RRP1: variants seen among roughly 807,000 people sequenced by gnomAD.
The protein encoded by RRP1 is ribosomal RNA processing 1.
A neutral mutation model predicts 54.6 loss-of-function variants in RRP1; 37 were observed. That is an observed-to-expected ratio of 0.68 (90% CI 0.52 to 0.89). The LOEUF (loss-of-function observed/expected upper bound fraction) is 0.89. Among genes scored for constraint, RRP1 ranks in the 40% least tolerant of loss-of-function variants. The pLI is 0.00. For synonymous variants in RRP1, 262 were observed against 244.3 expected (o/e 1.07, Z -0.67); for missense variants, 639 against 612.5 (o/e 1.04, Z -0.46).
At chr21:43,796,493 C>T (rs1266008959) in intron 5 of RRP1, among the ~76,000 whole-genome samples, 1 of 152,182 alleles carries the variant, frequency 6.6e-6, no homozygotes, top group South Asian at 2.1e-4. Context: ...ATGCCTGCTG[C>T]GGTCCCAGTG....
chr21:43,791,256 T>C (rs1401702080), intron 1 of RRP1, 94 bp from the exon 2 acceptor site: 2 of 1,300,828 alleles, frequency 1.5e-6, no homozygotes, highest in East Asian at 2.3e-5. Flanking sequence ...AGTGGGACTT[T>C]GGTCTCATTC....
At chr21:43,795,646 T>C (rs892539895) in intron 5 of RRP1, among the ~76,000 whole-genome samples, 13 of 152,192 alleles carry the variant, frequency 8.5e-5, no homozygotes, top group African/African-American at 3.1e-4. Flanking sequence ...CCTCCCGGGC[T>C]CAAGTGATCC....
intron 4 of RRP1, 130 bp from the exon 5 acceptor site, chr21:43,795,059 G>A (rs1961369842): frequency 1.2e-6 from 1 of 839,358 alleles, no homozygotes; most frequent in Non-Finnish European, 2.0e-6. Context: ...GGGGCCGGCT[G>A]TGTGCTGGGG....
At chr21:43,795,733 G>A (rs1013357708) in intron 5 of RRP1, among the ~76,000 whole-genome samples, 1 of 152,042 alleles carries the variant, frequency 6.6e-6, no homozygotes, top group Non-Finnish European at 1.5e-5. Flanking sequence ...ATCTTTTTTT[G>A]GTAGAGACGA....
intron 9 of RRP1, 96 bp downstream of exon 9, chr21:43,799,745 G>A (rs879911732): frequency 4.2e-5 from 50 of 1,177,192 alleles, no homozygotes; most frequent in Non-Finnish European, 5.8e-5. Context: ...AGGGAGGATG[G>A]CAGCTGTTGG....
At chr21:43,802,631 C>T (rs67002472) in intron 12 of RRP1, among the ~76,000 whole-genome samples, 7,995 of 152,294 alleles carry the variant, frequency 0.052, 281 homozygotes, top group South Asian at 0.15. Flanking sequence ...GCTGCCCTCC[C>T]TCCCGGTCTG....
intron 4 of RRP1, among the ~76,000 whole-genome samples, chr21:43,794,856 A>G (rs770906129): frequency 4.4e-4 from 67 of 152,288 alleles, no homozygotes; most frequent in Non-Finnish European, 8.2e-4. Context: ...GTTCTCCCTT[A>G]TGAATCGGAC....
chr21:43,801,149 C>T (rs2085085839), intron 11 of RRP1, among the ~76,000 whole-genome samples: 1 of 152,212 alleles, frequency 6.6e-6, no homozygotes, highest in Admixed American at 6.5e-5. Context: ...CTCCCAAGCA[C>T]TGACCGCGGT....
chr21:43,792,431 G>T (rs1483334629), intron 2 of RRP1, among the ~76,000 whole-genome samples: 1 of 152,182 alleles, frequency 6.6e-6, no homozygotes, highest in Non-Finnish European at 1.5e-5. Context: ...TGTGTGAGAG[G>T]CTGTTGACCC....
chr21:43,792,745 T>G lies in RRP1; in HGVS notation c.274+16T>G, dbSNP rs2073431. 1 of 1,613,594 alleles carries G rather than the reference T, an allele frequency of 6.2e-7. No homozygotes were observed. Among genetic ancestry groups the G allele is most frequent in the East Asian group, 2.2e-5 (1 of 44,876 alleles). On this transcript the variant is annotated intron_variant, in intron 3 of 12. Transcript: ENST00000497547. ...ACGGAGGCGCGTGAGTATGCTCTGC[T>G]GTAGTTGGGTGCATTTGTAGATGTC...
intron 5 of RRP1, among the ~76,000 whole-genome samples, chr21:43,796,593 T>C (rs1333224508): frequency 6.6e-6 from 1 of 152,174 alleles, no homozygotes; most frequent in Non-Finnish European, 1.5e-5. Context: ...GCCACTGGCC[T>C]GGGAAGTCGG....
intron 11 of RRP1, 98 bp from the exon 12 acceptor site, chr21:43,802,176 C>T (rs1601875178): frequency 1.2e-5 from 10 of 809,440 alleles, no homozygotes; most frequent in South Asian, 8.7e-5. Context: ...CACACATTGT[C>T]AGGAGGTGGT....
At chr21:43,800,787 G>A (rs1243611061) in intron 10 of RRP1, 75 bp from the exon 11 acceptor site, 2 of 1,600,944 alleles carry the variant, frequency 1.2e-6, no homozygotes, top group Admixed American at 3.3e-5. Flanking sequence ...GGAACCTGCA[G>A]CCGCTCTAGC....
chr21:43,803,440 G>C, intron 12 of RRP1, 72 bp from the exon 13 acceptor site: 1 of 1,470,302 alleles, frequency 6.8e-7, no homozygotes, highest in Non-Finnish European at 9.1e-7. Context: ...GGCATCCTCA[G>C]CCTGAGTTGG....
chr21:43,802,334 G>C lies in RRP1; in HGVS notation c.1070G>C (p.Arg357Pro). Residue 357 changes from arginine to proline, a missense_variant, in exon 12 of 13, where the codon CGG becomes CCG. Arg to Pro is a moderately radical substitution (Grantham distance 103). Transcript: ENST00000497547. ...TGCAGGCGCCTGCTTGAAGGGAGGC[G>C]GCAGAAGAAGACGAAGAAGCAGAAG... ...KACRRLLEGRRQKKTKKQKRL... is the reference protein window; with the variant it reads ...KACRRLLEGRPQKKTKKQKRL... 3 of 1,613,964 alleles carry C rather than the reference G, an allele frequency of 1.9e-6. No homozygotes were observed. The highest frequency in any genetic ancestry group is 2.5e-6 in the Non-Finnish European group (3 of 1,179,992).
At position 43,789,622 on chromosome 21, in the gene RRP1, T is replaced by C. The variant is rs1282923298; in HGVS notation, c.-8T>C. On this transcript the variant is annotated 5_prime_UTR_variant, in exon 1 of 13. Coordinates refer to ENST00000497547, the MANE Select transcript of RRP1 (RefSeq NM_003683.6). ...ACTCCGGGACAGGGGGTCTCGGCCGTCGGCGTCATGGTTTCGCGCGTGCAG... is the reference window on the plus strand; with the variant it reads ...ACTCCGGGACAGGGGGTCTCGGCCGCCGGCGTCATGGTTTCGCGCGTGCAG... The C allele has an allele frequency of 1.3e-6, 2 of 1,586,646 alleles. No individual in the cohort carries two copies. The highest frequency in any genetic ancestry group is 1.7e-4 in the Middle Eastern group (1 of 6,022).
intron 5 of RRP1, among the ~76,000 whole-genome samples, chr21:43,795,588 C>T (rs2123412414): frequency 6.6e-6 from 1 of 152,264 alleles, no homozygotes; most frequent in South Asian, 2.1e-4. Flanking sequence ...GTCACTGTTG[C>T]CTAGGCTGGA....
intron 10 of RRP1, 101 bp downstream of exon 10, chr21:43,800,715 C>A: frequency 1.3e-6 from 2 of 1,509,742 alleles, no homozygotes; most frequent in Non-Finnish European, 1.8e-6. Context: ...CTTCCGCAGC[C>A]CCCGGGGTGA....
chr21:43,797,386 G>A (rs377600356), intron 5 of RRP1, 36 bp from the exon 6 acceptor site: 6 of 1,586,504 alleles, frequency 3.8e-6, no homozygotes, highest in African/African-American at 2.7e-5. Flanking sequence ...GGGGCTCATC[G>A]AGGCTGCCTG....
Sources: gnomAD v4.1 joint callset for allele counts (sites outside exome capture counted in the v4.1 genomes callset) on GRCh38, gnomAD v4.1.1 for gene constraint, MANE v1.5 for transcripts, NCBI Gene and HGNC (gene_info 2026-07-23, HGNC 2026-07-21) for gene names.